The following SPIDR variants were observed in gnomAD, a reference collection of about 807,000 sequenced individuals.
SPIDR encodes the protein DNA repair-scaffolding protein.
A neutral mutation model predicts 104.6 loss-of-function variants in SPIDR; 93 were observed. The ratio of observed to expected loss-of-function variants is 0.89; its 90% CI spans 0.75 to 1.06. SPIDR has a LOEUF of 1.06. Among genes scored for constraint, SPIDR ranks in the 50% least tolerant of loss-of-function variants. SPIDR has a pLI of 0.00. For synonymous variants in SPIDR, 431 were observed against 416.9 expected (o/e 1.03, Z -0.41); for missense variants, 1,154 against 1,111.2 (o/e 1.04, Z -0.55).
rs1290855765 is a variant in SPIDR, at chr8:47,561,702, TCTCACC to T, written c.1098-34105_1098-34100del. 2.6e-5 allele frequency among the ~76,000 whole-genome samples: 4 copies of T among 152,318 alleles called. No homozygotes were observed. The East Asian group carries it at 7.7e-4, about 29-fold the overall frequency. Reference sequence around the variant, plus strand: ...CTCCCCCATCTCCCTCTGGCAGCTTTCTCACCCTCTTCCCTGGGTCCCTTGTACCAT... The same window carrying T: ...CTCCCCCATCTCCCTCTGGCAGCTTTCTCTTCCCTGGGTCCCTTGTACCAT... On this transcript the variant is annotated intron_variant, in intron 8 of 19. Transcript: ENST00000297423.
intron 5 of SPIDR, among the ~76,000 whole-genome samples, chr8:47,344,537 T>C (rs1465459197): frequency 2.0e-5 from 3 of 152,240 alleles, no homozygotes; most frequent in Admixed American, 2.0e-4. Flanking sequence ...CCTTGAGGAA[T>C]CACCACACTG....
At chr8:47,537,015 A>G (rs1305617539) in intron 8 of SPIDR, among the ~76,000 whole-genome samples, 2 of 152,238 alleles carry the variant, frequency 1.3e-5, no homozygotes, top group African/African-American at 4.8e-5. Flanking sequence ...CAGCAATGAG[A>G]TACCACTAGA....
At chr8:47,559,409 G>T (rs2056788413) in intron 8 of SPIDR, among the ~76,000 whole-genome samples, 1 of 152,168 alleles carries the variant, frequency 6.6e-6, no homozygotes, top group Non-Finnish European at 1.5e-5. Context: ...CAGAAGGTTT[G>T]CACAGTCCAG....
chr8:47,555,913 A>G (rs1402593263), intron 8 of SPIDR, among the ~76,000 whole-genome samples: 1 of 152,216 alleles, frequency 6.6e-6, no homozygotes, highest in Non-Finnish European at 1.5e-5. Flanking sequence ...CAGAATGTTG[A>G]CAGTAGTCTG....
At position 47,713,982 on chromosome 8, in the gene SPIDR, A is replaced by C. The variant is rs918314824; in HGVS notation, c.2341+341A>C. Among the ~76,000 whole-genome samples, 4 of 152,154 alleles carry C rather than the reference A, an allele frequency of 2.6e-5. No homozygotes were observed. In the East Asian group the frequency reaches 7.7e-4, roughly 29 times the overall value. On this transcript the variant is annotated intron_variant, in intron 16 of 19. Transcript: ENST00000297423. ...ATAGATGAGACTACTTAGGTCAGGG[A>C]TGGAGCAGGAGGAACATTCCTGGGA...
intron 5 of SPIDR, among the ~76,000 whole-genome samples, chr8:47,382,262 G>A (rs2059405759): frequency 6.6e-6 from 1 of 152,106 alleles, no homozygotes; most frequent in Non-Finnish European, 1.5e-5. Flanking sequence ...TGCAGTTCAA[G>A]GGTAGCACTT....
chr8:47,420,931 A>G (rs1483166542), intron 7 of SPIDR, among the ~76,000 whole-genome samples: 2 of 152,236 alleles, frequency 1.3e-5, no homozygotes, highest in Non-Finnish European at 2.9e-5. Context: ...AATGTTGAAT[A>G]TTGGCCCCCA....
At chr8:47,561,801 C>T (rs1309367368) in intron 8 of SPIDR, among the ~76,000 whole-genome samples, 1 of 152,124 alleles carries the variant, frequency 6.6e-6, no homozygotes, top group Non-Finnish European at 1.5e-5. Context: ...GACATATAGC[C>T]TTGTATAACA....
At chr8:47,554,416 G>A (rs571975241) in intron 8 of SPIDR, among the ~76,000 whole-genome samples, 139 of 152,216 alleles carry the variant, frequency 9.1e-4, no homozygotes, top group African/African-American at 2.9e-3. Context: ...TGAACTTCCC[G>A]GCACTTTGTT....
At chr8:47,727,988 G>A (rs924897053) in intron 17 of SPIDR, among the ~76,000 whole-genome samples, 8 of 151,090 alleles carry the variant, frequency 5.3e-5, no homozygotes, top group East Asian at 2.0e-4. Context: ...ATGGTGGCGC[G>A]TGCCTGTAAT....
At position 47,579,120 on chromosome 8, in the gene SPIDR, G is replaced by A. The variant is rs575918031; in HGVS notation, c.1098-16691G>A. On this transcript the variant is annotated intron_variant, in intron 8 of 19. Coordinates refer to ENST00000297423, the MANE Select transcript of SPIDR (RefSeq NM_001080394.4). Reference sequence around the variant, plus strand: ...CAGTCACTAAATGGCTGGGAAGGTGGGCAGAATATTTTGCTATTTTAACAA... The same window carrying A: ...CAGTCACTAAATGGCTGGGAAGGTGAGCAGAATATTTTGCTATTTTAACAA... Among the ~76,000 whole-genome samples the A allele has an allele frequency of 2.6e-5, 4 of 152,262 alleles. No individual in the cohort carries two copies. In the South Asian group the frequency reaches 6.2e-4, roughly 24 times the overall value.
chr8:47,654,356 G>A (rs536678506), intron 10 of SPIDR, among the ~76,000 whole-genome samples: 192 of 152,248 alleles, frequency 1.3e-3, no homozygotes, highest in Non-Finnish European at 2.4e-3. Flanking sequence ...TGATGCGGAG[G>A]GAAAATAGAC....
chr8:47,698,167 A>G (rs982923514), intron 11 of SPIDR, among the ~76,000 whole-genome samples: 1 of 152,222 alleles, frequency 6.6e-6, no homozygotes, highest in Non-Finnish European at 1.5e-5. Context: ...TTAAATAAAA[A>G]TGTTTATTAA....
chr8:47,437,651 C>G (rs1195385845), intron 7 of SPIDR, among the ~76,000 whole-genome samples: 2 of 152,030 alleles, frequency 1.3e-5, no homozygotes, highest in South Asian at 2.1e-4. Flanking sequence ...CTCATCATCA[C>G]TGGCCATCAG....
At chr8:47,282,042 A>G (rs1282081864) in intron 2 of SPIDR, among the ~76,000 whole-genome samples, 1 of 152,262 alleles carries the variant, frequency 6.6e-6, no homozygotes, top group Non-Finnish European at 1.5e-5. Context: ...GACCAGGTGC[A>G]TTGTCAATCA....
intron 10 of SPIDR, among the ~76,000 whole-genome samples, chr8:47,603,595 A>C (rs1588281036): frequency 7.0e-6 from 1 of 143,618 alleles, no homozygotes; most frequent in African/African-American, 2.6e-5. Flanking sequence ...ATAGGGTCTC[A>C]CTCTGTTGCC....
At chr8:47,339,710 C>CG (rs2050379129) in intron 5 of SPIDR, among the ~76,000 whole-genome samples, 1 of 144,776 alleles carries the variant, frequency 6.9e-6, no homozygotes, top group African/African-American at 2.6e-5. Context: ...GGTGGAGTCT[C>CG]GCACTGTCGC....
At chr8:47,614,282 C>T (rs2063980133) in intron 10 of SPIDR, among the ~76,000 whole-genome samples, 1 of 151,722 alleles carries the variant, frequency 6.6e-6, no homozygotes, top group African/African-American at 2.4e-5. Context: ...GCAGTGGTGG[C>T]ATGATCTCAG....
At position 47,397,396 on chromosome 8, in the gene SPIDR, C is replaced by T. The variant is rs782387371; in HGVS notation, c.776+770C>T. 1.2e-4 allele frequency among the ~76,000 whole-genome samples: 18 copies of T among 151,818 alleles called. No homozygotes were observed. The East Asian group carries it at 1.6e-3, about 13-fold the overall frequency. ...CTGTAATCCCAGCTACACAGGAGGC[C>T]GAGGCAGGAGAATTGCTTGAATCTG... On this transcript the variant is annotated intron_variant, in intron 6 of 19. Transcript: ENST00000297423.
Sources: allele counts gnomAD v4.1 joint callset (sites outside exome capture counted in the v4.1 genomes callset), GRCh38; gene constraint gnomAD v4.1.1; transcripts MANE v1.5; gene names NCBI Gene and HGNC (gene_info 2026-07-23, HGNC 2026-07-21).